The following PSIP1 variants were observed in gnomAD, a reference collection of about 807,000 sequenced individuals.
PSIP1 encodes PC4 and SFRS1-interacting protein.
A neutral mutation model predicts 74.7 loss-of-function variants in PSIP1; 19 were observed. That is an observed-to-expected ratio of 0.25 (90% confidence interval 0.18 to 0.37). The LOEUF (loss-of-function observed/expected upper bound fraction) is 0.37. PSIP1 is among the 10% of genes least tolerant of loss of function. PSIP1 has a pLI of 1.00. For missense variants in PSIP1, 601 were observed against 614.3 expected (o/e 0.98, Z 0.23); for synonymous variants, 222 against 195.3 (o/e 1.14, Z -1.14).
intron 11 of PSIP1, 68 bp downstream of exon 11, chr9:15,469,868 GAA>G: frequency 7.5e-7 from 1 of 1,338,684 alleles, no homozygotes; most frequent in Non-Finnish European, 1.1e-6. Flanking sequence ...ACCAATACAT[GAA>G]AAGTTATGTC....
At position 15,474,246 on chromosome 9, in the gene PSIP1, G is replaced by A; in HGVS notation, c.630-9C>T. The A allele has an allele frequency of 6.3e-7, 1 of 1,590,444 alleles. No homozygotes were observed. The highest frequency in any genetic ancestry group is 8.6e-7 in the Non-Finnish European group (1 of 1,165,116). On this transcript the variant is annotated splice_polypyrimidine_tract_variant and intron_variant, in intron 8 of 15. Transcript: ENST00000380733. ...TGTCCTCTTCAGTAATGCTATTTTA[G>A]AGAACATAACAATGTATACTTGTCA... is the stretch of plus-strand genomic sequence containing the variant.
At chr9:15,476,773 A>G (rs1427751843) in intron 8 of PSIP1, among the ~76,000 whole-genome samples, 1 of 152,232 alleles carries the variant, frequency 6.6e-6, no homozygotes, top group Admixed American at 6.5e-5. Context: ...ATACAAAAGT[A>G]TTACATTACC....
intron 3 of PSIP1, among the ~76,000 whole-genome samples, chr9:15,498,802 C>A (rs1431946279): frequency 2.0e-5 from 3 of 152,060 alleles, no homozygotes; most frequent in African/African-American, 7.3e-5. Context: ...TCAAGGCATT[C>A]CACTTTAAAA....
Position 15,469,050 on chromosome 9 carries a change from G to C in PSIP1, c.1113C>G (p.Asn371Lys), listed in dbSNP as rs767705412. 2 of 1,612,928 alleles carry C rather than the reference G, an allele frequency of 1.2e-6. No individual in the cohort carries two copies. The highest frequency in any genetic ancestry group is 1.3e-5 in the African/African-American group (1 of 74,930). The change falls in exon 13 of 16, where the codon AAC (asparagine) becomes AAG (lysine). Residue 371 changes from asparagine (N) to lysine (K), a missense_variant. Transcript: ENST00000380733. ...NSLKIDNLDV[N>K]RCIEALDELA... ...GTTCATCCAAGGCCTCAATGCATCT[G>C]TTCACATCCTTCATGACAAAACAGT... is the stretch of plus-strand genomic sequence containing the variant.
chr9:15,507,796 CAGA>C (rs949140008), intron 2 of PSIP1, among the ~76,000 whole-genome samples: 10 of 152,172 alleles, frequency 6.6e-5, no homozygotes, highest in Admixed American at 2.0e-4. Context: ...TATGGTGTTG[CAGA>C]AGAAGACCAT....
chr9:15,484,841 A>T (rs2036490184), intron 6 of PSIP1, among the ~76,000 whole-genome samples: 1 of 146,028 alleles, frequency 6.8e-6, no homozygotes, highest in Non-Finnish European at 1.5e-5. Flanking sequence ...TGAATTCGGG[A>T]GGTGGAGGTT....
intron 2 of PSIP1, among the ~76,000 whole-genome samples, chr9:15,507,955 G>A (rs140784422): frequency 5.8e-4 from 88 of 152,262 alleles, no homozygotes; most frequent in African/African-American, 1.8e-3. Flanking sequence ...GGAATGTCCC[G>A]ATAATTGCAA....
intron 3 of PSIP1, among the ~76,000 whole-genome samples, chr9:15,503,219 T>C (rs1347381819): frequency 6.7e-6 from 1 of 150,174 alleles, no homozygotes; most frequent in Non-Finnish European, 1.5e-5. Flanking sequence ...ACACAAAAAT[T>C]AGATGGGTGT....
At chr9:15,490,664 C>A (rs2036787100) in intron 3 of PSIP1, among the ~76,000 whole-genome samples, 1 of 116,138 alleles carries the variant, frequency 8.6e-6, no homozygotes, top group Admixed American at 1.2e-4. Context: ...GCCTGGGTGA[C>A]AGAGTGAGAC....
At chr9:15,493,797 T>C (rs1321416452) in intron 3 of PSIP1, among the ~76,000 whole-genome samples, 1 of 152,118 alleles carries the variant, frequency 6.6e-6, no homozygotes, top group East Asian at 1.9e-4. Context: ...ATTTGGGAAA[T>C]TGCCCCAATC....
chr9:15,465,857 G>A (rs1480998538), intron 15 of PSIP1: 2 of 327,244 alleles, frequency 6.1e-6, no homozygotes, highest in East Asian at 1.0e-4. Flanking sequence ...ATCATTTCTA[G>A]CATAAAAGTG....
At chr9:15,477,178 T>A (rs914850817) in intron 8 of PSIP1, among the ~76,000 whole-genome samples, 3 of 152,166 alleles carry the variant, frequency 2.0e-5, no homozygotes, top group Admixed American at 1.3e-4. Context: ...TTCACTATAA[T>A]AGTTAAAGTA....
intron 3 of PSIP1, chr9:15,506,009 G>A (rs1301352518): frequency 1.3e-5 from 2 of 152,246 alleles, no homozygotes; most frequent in Non-Finnish European, 2.9e-5. Flanking sequence ...AGCCTCCTGA[G>A]TGATCCCATG....
At chr9:15,486,227 T>C (rs1454751815) in intron 5 of PSIP1, among the ~76,000 whole-genome samples, 159 bp from the exon 6 acceptor site, 1 of 152,208 alleles carries the variant, frequency 6.6e-6, no homozygotes, top group Non-Finnish European at 1.5e-5. Flanking sequence ...GTCTCAACAT[T>C]ATAAAGTGAG....
intron 8 of PSIP1, among the ~76,000 whole-genome samples, chr9:15,477,033 G>A (rs1333962091): frequency 2.0e-5 from 3 of 152,158 alleles, no homozygotes; most frequent in East Asian, 3.9e-4. Flanking sequence ...TACTCCGGGG[G>A]AAAACTGGGA....
At chr9:15,485,328 C>G (rs533505588) in intron 6 of PSIP1, among the ~76,000 whole-genome samples, 5 of 152,106 alleles carry the variant, frequency 3.3e-5, no homozygotes, top group Non-Finnish European at 7.3e-5. Context: ...CAAAATTCTG[C>G]CTGTATTTTA....
At chr9:15,487,248 G>C (rs982005262) in intron 4 of PSIP1, among the ~76,000 whole-genome samples, 2 of 151,822 alleles carry the variant, frequency 1.3e-5, no homozygotes, top group Non-Finnish European at 2.9e-5. Context: ...TGGCAATTTG[G>C]AGGATAAAAA....
chr9:15,486,472 C>A (rs2036560226), intron 5 of PSIP1, among the ~76,000 whole-genome samples: 1 of 152,158 alleles, frequency 6.6e-6, no homozygotes, highest in African/African-American at 2.4e-5. Flanking sequence ...AGATCATATA[C>A]AGTTGGACAT....
chr9:15,489,733 C>T (rs2036739557), intron 4 of PSIP1, among the ~76,000 whole-genome samples: 1 of 151,590 alleles, frequency 6.6e-6, no homozygotes, highest in African/African-American at 2.4e-5. Context: ...TATTCAATGA[C>T]GTATTAAACC....
Sources: allele counts gnomAD v4.1 joint callset (sites outside exome capture counted in the v4.1 genomes callset), GRCh38; gene constraint gnomAD v4.1.1; transcripts MANE v1.5; gene names NCBI Gene and HGNC (gene_info 2026-07-23, HGNC 2026-07-21).